The following ANKRD18A variants were observed in gnomAD, a reference collection of about 807,000 sequenced individuals.
ANKRD18A encodes the protein ankyrin repeat domain 18A.
Under a neutral mutation model 110.6 loss-of-function variants are expected in ANKRD18A, and 72 were observed. That is an observed-to-expected ratio of 0.65 (90% confidence interval 0.54 to 0.79). The LOEUF (loss-of-function observed/expected upper bound fraction) is 0.79. ANKRD18A is among the 30% of genes least tolerant of loss of function. The pLI is 0.00. For missense variants in ANKRD18A, 934 were observed against 1,163.3 expected, an observed-to-expected ratio of 0.80 and a Z score of 2.87; for synonymous variants, 305 against 410.3, an observed-to-expected ratio of 0.74 and a Z score of 3.10.
chr9:38,616,071 A>G (rs1170885524), intron 1 of ANKRD18A, 27 bp from the exon 2 acceptor site: 2 of 1,500,058 alleles, frequency 1.3e-6, no homozygotes, highest in Admixed American at 2.3e-5. Context: ...GGTTTTCAGG[A>G]AATGTAGTGC....
intron 1 of ANKRD18A, 53 bp from the exon 2 acceptor site, chr9:38,616,097 A>G: frequency 1.2e-5 from 16 of 1,382,366 alleles, no homozygotes; most frequent in South Asian, 1.0e-4. Flanking sequence ...CTCAAAACCT[A>G]CAATGGTCCA....
At chr9:38,608,825 G>A (rs368508625) in intron 5 of ANKRD18A, among the ~76,000 whole-genome samples, 11 of 151,158 alleles carry the variant, frequency 7.3e-5, no homozygotes, top group South Asian at 4.2e-4. Flanking sequence ...CTCCAAGTTG[G>A]TCCCCATTAC....
intron 12 of ANKRD18A, among the ~76,000 whole-genome samples, chr9:38,580,945 T>G (rs1377458591): frequency 6.6e-6 from 1 of 152,112 alleles, no homozygotes; most frequent in Non-Finnish European, 1.5e-5. Context: ...TCATGCTGCC[T>G]GCCCCAGCCG....
At chr9:38,616,499 C>G (rs1206443139) in intron 1 of ANKRD18A, among the ~76,000 whole-genome samples, 1 of 152,364 alleles carries the variant, frequency 6.6e-6, no homozygotes, top group African/African-American at 2.4e-5. Flanking sequence ...GTTGCCCAGG[C>G]TGGAGTGCAA....
intron 6 of ANKRD18A, among the ~76,000 whole-genome samples, chr9:38,605,666 G>T (rs1177680042): frequency 2.0e-5 from 3 of 152,164 alleles, no homozygotes; most frequent in African/African-American, 7.2e-5. Flanking sequence ...CCAGGCTGGA[G>T]TGCAGTGGTG....
intron 12 of ANKRD18A, among the ~76,000 whole-genome samples, chr9:38,579,765 T>C (rs890724903): frequency 4.6e-5 from 7 of 152,166 alleles, no homozygotes; most frequent in Admixed American, 4.6e-4. Flanking sequence ...GAAAACAACA[T>C]GAGGCTTTCT....
intron 10 of ANKRD18A, among the ~76,000 whole-genome samples, chr9:38,590,664 T>G (rs550224654): frequency 4.6e-5 from 7 of 152,242 alleles, no homozygotes; most frequent in Non-Finnish European, 8.8e-5. Flanking sequence ...GATGAACATC[T>G]TGTTCTAAAG....
At chr9:38,574,399 T>C (rs1173667260) in intron 15 of ANKRD18A, among the ~76,000 whole-genome samples, 3 of 152,208 alleles carry the variant, frequency 2.0e-5, no homozygotes, top group Non-Finnish European at 2.9e-5. Context: ...TACAATGATT[T>C]ATATTTTCCT....
intron 11 of ANKRD18A, among the ~76,000 whole-genome samples, chr9:38,588,092 G>GATAA (rs968733542): frequency 1.4e-4 from 22 of 151,994 alleles, no homozygotes; most frequent in African/African-American, 2.7e-4. Flanking sequence ...TGTCTCAAAA[G>GATAA]ATAAATAAAT....
chr9:38,610,337 T>G lies in ANKRD18A; in HGVS notation c.676A>C (p.Ile226Leu). The G allele has an allele frequency of 6.4e-7, 1 of 1,551,374 alleles. No individual in the cohort carries two copies. The highest frequency in any genetic ancestry group is 2.4e-5 in the East Asian group (1 of 40,894). Residue 226 changes from isoleucine (I) to leucine (L), a missense_variant, in exon 5 of 16, where the codon ATC (isoleucine) becomes CTC (leucine). Ile to Leu is a conservative substitution (Grantham distance 5). Coordinates refer to ENST00000399703, the MANE Select transcript of ANKRD18A (RefSeq NM_147195.4). ...VTLLLQQNIR[I>L]SSQDMFGQTA... ...TGGCCAAACATGTCTTGAGAAGAGA[T>G]ACGTATATTTTGTTGAAGCAGGAGG...
Position 38,575,703 on chromosome 9 carries a change from A to G in ANKRD18A, c.2742-5T>C. 6.5e-7 allele frequency: 1 copy of G among 1,543,334 alleles called. No homozygotes were observed. The highest frequency in any genetic ancestry group is 8.7e-7 in the Non-Finnish European group (1 of 1,143,484). On this transcript the variant is annotated splice_region_variant and splice_polypyrimidine_tract_variant and intron_variant, in intron 14 of 15. Coordinates refer to ENST00000399703, the MANE Select transcript of ANKRD18A (RefSeq NM_147195.4). ...ACTGCTATTTTCTTATCCGATCTGT[A>G]AAGAGAGCAAAGACAAATGCTTAGT...
intron 1 of ANKRD18A, 53 bp downstream of exon 1, chr9:38,620,027 A>C (rs1815550): frequency 0.3 from 458,145 of 1,540,802 alleles, 70,236 homozygotes; most frequent in East Asian, 0.44. Context: ...GCCGGGCTGC[A>C]GGGAAGCCGG....
intron 9 of ANKRD18A, 37 bp from the exon 10 acceptor site, chr9:38,593,946 G>T (rs591749): frequency 1.1e-5 from 16 of 1,432,180 alleles, no homozygotes; most frequent in Non-Finnish European, 1.5e-5. Context: ...TTATAAAGTG[G>T]CTTATTATTA....
chr9:38,583,591 T>G (rs895703624), intron 12 of ANKRD18A, among the ~76,000 whole-genome samples: 1 of 152,134 alleles, frequency 6.6e-6, no homozygotes, highest in Non-Finnish European at 1.5e-5. Context: ...GGTTTCACCA[T>G]GTTGGCCAGG....
downstream of ANKRD18A, among the ~76,000 whole-genome samples, chr9:38,570,058 C>T (rs747663174): frequency 1.6e-4 from 24 of 152,288 alleles, no homozygotes; most frequent in Admixed American, 3.9e-4. Context: ...GGTCACACAT[C>T]GGCTAACTGG....
At chr9:38,603,835 T>C (rs1357756962) in intron 6 of ANKRD18A, among the ~76,000 whole-genome samples, 3 of 152,224 alleles carry the variant, frequency 2.0e-5, no homozygotes, top group Non-Finnish European at 4.4e-5. Context: ...CAAGAGCAGT[T>C]CCTTGTTGTT....
In ANKRD18A at chr9:38,589,675, C is replaced by G. The variant is rs540223657; in HGVS notation, c.2005-1012G>C. Among the ~76,000 whole-genome samples, 223 of 152,340 alleles carry G rather than the reference C, an allele frequency of 1.5e-3. 1 individual carries two copies. The highest frequency in any genetic ancestry group is 5.0e-3 in the African/African-American group (206 of 41,578). Reference sequence around the variant, plus strand: ...AGGTCTCTCTCTGGTCCTCCTGATTCTGCAACACCACCTCACCCAGCTAAT... The same window carrying G: ...AGGTCTCTCTCTGGTCCTCCTGATTGTGCAACACCACCTCACCCAGCTAAT... On this transcript the variant is annotated intron_variant, in intron 10 of 15. Transcript: ENST00000399703.
intron 12 of ANKRD18A, among the ~76,000 whole-genome samples, chr9:38,579,507 C>T (rs996388045): frequency 1.7e-4 from 26 of 151,800 alleles, no homozygotes; most frequent in African/African-American, 4.8e-4. Context: ...GCAAAAGATC[C>T]GATTAGATAT....
At chr9:38,610,245 T>C (rs1825548867) in intron 5 of ANKRD18A, 28 bp downstream of exon 5, 2 of 1,494,156 alleles carry the variant, frequency 1.3e-6, no homozygotes, top group Non-Finnish European at 1.8e-6. Flanking sequence ...AATTTAGTAT[T>C]AACCGGTCTT....
Sources: allele counts gnomAD v4.1 joint callset (sites outside exome capture counted in the v4.1 genomes callset), GRCh38; gene constraint gnomAD v4.1.1; transcripts MANE v1.5; gene names NCBI Gene and HGNC (gene_info 2026-07-23, HGNC 2026-07-21).